Variants in ADGRB3 observed in about 807,000 individuals in gnomAD.
ADGRB3 encodes the protein adhesion G protein-coupled receptor B3.
Under a neutral mutation model 193.4 loss-of-function variants are expected in ADGRB3, and 37 were observed. The ratio of observed to expected loss-of-function variants is 0.19; its 90% CI spans 0.15 to 0.25. The LOEUF (loss-of-function observed/expected upper bound fraction) is 0.25, where lower values mean the gene tolerates loss of function less well. ADGRB3 is among the 10% of genes least tolerant of loss of function. The probability of loss-of-function intolerance (pLI) is 1.00; values close to 1 mark genes in which losing one functional copy is unlikely to be tolerated. For missense variants in ADGRB3, 1,637 were observed against 1,852.9 expected (o/e 0.88, Z 2.14); for synonymous variants, 690 against 644.2 (o/e 1.07, Z -1.08).
At chr6:69,333,890 A>G (rs942431100) in intron 24 of ADGRB3, among the ~76,000 whole-genome samples, 24 of 150,708 alleles carry the variant, frequency 1.6e-4, no homozygotes, top group African/African-American at 5.4e-4. Context: ...AGATCGCGCC[A>G]CTGCACTCCA....
At chr6:69,099,973 A>C (rs1477353513) in intron 17 of ADGRB3, among the ~76,000 whole-genome samples, 1 of 152,214 alleles carries the variant, frequency 6.6e-6, no homozygotes, top group Non-Finnish European at 1.5e-5. Context: ...GCTCTGAAAA[A>C]GTGGAATAAT....
chr6:68,741,613 C>A (rs960145741), intron 3 of ADGRB3, among the ~76,000 whole-genome samples: 3 of 152,154 alleles, frequency 2.0e-5, no homozygotes. Flanking sequence ...GTCTTAAACT[C>A]CTGAGCTCAA....
intron 17 of ADGRB3, 79 bp downstream of exon 17, chr6:69,076,117 T>G: frequency 8.0e-7 from 1 of 1,245,718 alleles, no homozygotes; most frequent in Non-Finnish European, 1.2e-6. Context: ...GCCTGCTAGT[T>G]AACAGGAATA....
At chr6:69,126,778 A>G (rs1368938917) in intron 17 of ADGRB3, among the ~76,000 whole-genome samples, 2 of 152,196 alleles carry the variant, frequency 1.3e-5, no homozygotes, top group African/African-American at 2.4e-5. Flanking sequence ...AAAATTAACC[A>G]TCACACTTAC....
At chr6:68,981,252 T>TATC (rs1768902773) in intron 10 of ADGRB3, among the ~76,000 whole-genome samples, 1 of 151,662 alleles carries the variant, frequency 6.6e-6, no homozygotes, top group Non-Finnish European at 1.5e-5. Flanking sequence ...ATTCAGAACC[T>TATC]ATCTGTTAGA....
At chr6:69,140,908 C>A (rs1053475115) in intron 17 of ADGRB3, among the ~76,000 whole-genome samples, 4 of 152,074 alleles carry the variant, frequency 2.6e-5, no homozygotes, top group African/African-American at 9.7e-5. Context: ...TTAATAATAA[C>A]CTGCTTGATT....
At chr6:68,722,738 C>T (rs571749225) in intron 3 of ADGRB3, among the ~76,000 whole-genome samples, 3 of 151,200 alleles carry the variant, frequency 2.0e-5, no homozygotes, top group South Asian at 2.1e-4. Flanking sequence ...CAGACTGTCC[C>T]GTAACATGAG....
chr6:69,368,058 A>G (rs892897129), intron 29 of ADGRB3, among the ~76,000 whole-genome samples: 2 of 151,420 alleles, frequency 1.3e-5, no homozygotes, highest in Non-Finnish European at 1.5e-5. Context: ...TGACGAGTTA[A>G]TGGGTGCAGC....
At chr6:68,820,925 A>G (rs917069384) in intron 3 of ADGRB3, among the ~76,000 whole-genome samples, 1 of 152,072 alleles carries the variant, frequency 6.6e-6, no homozygotes, top group Non-Finnish European at 1.5e-5. Context: ...AAAGTCATAT[A>G]CACTGTGTCA....
At chr6:68,789,972 C>T (rs370775000) in intron 3 of ADGRB3, among the ~76,000 whole-genome samples, 2 of 152,194 alleles carry the variant, frequency 1.3e-5, no homozygotes, top group South Asian at 2.1e-4. Context: ...GCATTTGTCA[C>T]GTAGCTCTTA....
At position 68,749,408 on chromosome 6, in the gene ADGRB3, A is replaced by ATATATGTGTG. The variant is rs540892508; in HGVS notation, c.757+109977_757+109978insATATGTGTGT. On this transcript the variant is annotated intron_variant, in intron 3 of 31. Coordinates refer to ENST00000370598, the MANE Select transcript of ADGRB3 (RefSeq NM_001704.3). ...TAAACTCCCCTTTATATATATATATATGTGTGTGTGTGTGTGTGTGTGTGT... is the reference window on the plus strand; with the variant it reads ...TAAACTCCCCTTTATATATATATATATATATGTGTGTGTGTGTGTGTGTGTGTGTGTGTGT... 6.7e-3 allele frequency among the ~76,000 whole-genome samples: 921 copies of ATATATGTGTG among 136,516 alleles called. 8 individuals carry two copies. The highest frequency in any genetic ancestry group is 0.023 in the African/African-American group (840 of 35,780). 89.6% of individuals were successfully genotyped at this position (136,516 alleles called of 152,430 possible). A position where few individuals can be genotyped will look rare whatever the true frequency, so the allele number is the denominator to read the frequency against.
intron 3 of ADGRB3, among the ~76,000 whole-genome samples, chr6:68,822,313 T>A (rs991697638): frequency 4.0e-5 from 6 of 151,838 alleles, no homozygotes; most frequent in African/African-American, 1.4e-4. Flanking sequence ...AAATAGGAAA[T>A]TAGGGTGAAA....
intron 17 of ADGRB3, 116 bp from the exon 18 acceptor site, chr6:69,233,174 T>C: frequency 2.2e-6 from 3 of 1,374,886 alleles, no homozygotes; most frequent in South Asian, 2.8e-5. Flanking sequence ...GATTTTTTTT[T>C]CCTGTACAGG....
intron 29 of ADGRB3, among the ~76,000 whole-genome samples, chr6:69,369,104 A>T (rs1582661838): frequency 6.6e-6 from 1 of 152,172 alleles, no homozygotes; most frequent in African/African-American, 2.4e-5. Flanking sequence ...CATTTTTAAA[A>T]GTTATCAGAT....
At chr6:69,227,376 G>GA (rs1766042157) in intron 17 of ADGRB3, among the ~76,000 whole-genome samples, 1 of 152,168 alleles carries the variant, frequency 6.6e-6, no homozygotes, top group Admixed American at 6.5e-5. Flanking sequence ...AGTGAGATCA[G>GA]AAAAACCATT....
At chr6:69,022,812 G>A (rs1397997744) in intron 13 of ADGRB3, among the ~76,000 whole-genome samples, 1 of 151,980 alleles carries the variant, frequency 6.6e-6, no homozygotes, top group African/African-American at 2.4e-5. Flanking sequence ...GCTGTTTGCA[G>A]TTCCAAATAC....
At chr6:69,151,771 A>G (rs1375778073) in intron 17 of ADGRB3, among the ~76,000 whole-genome samples, 2 of 152,206 alleles carry the variant, frequency 1.3e-5, no homozygotes, top group African/African-American at 2.4e-5. Context: ...ACCAAAGCTC[A>G]CAAGTTGATA....
chr6:69,175,737 C>T (rs551221997), intron 17 of ADGRB3, among the ~76,000 whole-genome samples: 34 of 152,218 alleles, frequency 2.2e-4, no homozygotes, highest in African/African-American at 8.2e-4. Flanking sequence ...GCAGTATGGC[C>T]ATTATAGTGA....
intron 17 of ADGRB3, among the ~76,000 whole-genome samples, chr6:69,076,807 G>T (rs1392459877): frequency 6.6e-6 from 1 of 151,918 alleles, no homozygotes; most frequent in Non-Finnish European, 1.5e-5. Context: ...AATCCCAAAA[G>T]TAATCCCACT....
Sources: allele counts gnomAD v4.1 joint callset (sites outside exome capture counted in the v4.1 genomes callset), GRCh38; gene constraint gnomAD v4.1.1; transcripts MANE v1.5; gene names NCBI Gene and HGNC (gene_info 2026-07-23, HGNC 2026-07-21).